OR51A7: variants seen among roughly 807,000 people sequenced by gnomAD.
OR51A7 encodes the protein olfactory receptor 51A7.
For synonymous variants in OR51A7, 143 were observed against 135.5 expected, an observed-to-expected ratio of 1.05 and a Z score of -0.38; for missense variants, 409 against 374.5, an observed-to-expected ratio of 1.09 and a Z score of -0.76.
At chr11:4,904,316 T>C (rs1394132625) in intron 1 of OR51A7, among the ~76,000 whole-genome samples, 1 of 152,094 alleles carries the variant, frequency 6.6e-6, no homozygotes, top group Non-Finnish European at 1.5e-5. Context: ...CCAAGGTGTT[T>C]GTGCGTTAGC....
At chr11:4,906,961 T>C (rs978388123) in intron 1 of OR51A7, among the ~76,000 whole-genome samples, 2 of 151,798 alleles carry the variant, frequency 1.3e-5, no homozygotes, top group Admixed American at 6.6e-5. Flanking sequence ...ATGGTGGTGG[T>C]GGTGCACACC....
In OR51A7 at chr11:4,908,013, T is replaced by G; in HGVS notation, c.644T>G (p.Leu215Trp). The G allele has an allele frequency of 6.2e-7, 1 of 1,614,222 alleles. No homozygotes were observed. The highest frequency in any genetic ancestry group is 8.5e-7 in the Non-Finnish European group (1 of 1,180,026). Reference protein sequence around the residue: ...CTMLDLALIVLSYVLILKTIL... With the variant: ...CTMLDLALIVWSYVLILKTIL... ...ATGCTGGACTTGGCACTGATTGTTT[T>G]GTCTTATGTGCTGATCTTGAAGACT... Residue 215 changes from leucine to tryptophan, a missense_variant, in exon 2 of 2, where the codon TTG (leucine) becomes TGG (tryptophan). Physicochemically the swap from Leu to Trp is moderately conservative, Grantham distance 61. Transcript: ENST00000641490.
Position 4,908,006 on chromosome 11 carries a change from A to G in OR51A7, c.637A>G (p.Ile213Val), listed in dbSNP as rs1401260565. ...CTGTACTATGCTGGACTTGGCACTG[A>G]TTGTTTTGTCTTATGTGCTGATCTT... ...ALCTMLDLALIVLSYVLILKT... is the reference protein window; with the variant it reads ...ALCTMLDLALVVLSYVLILKT... The change falls in exon 2 of 2, where the codon ATT (isoleucine) becomes GTT (valine). Residue 213 changes from isoleucine to valine, a missense_variant. Transcript: ENST00000641490. 9 of 1,613,976 alleles carry G rather than the reference A, an allele frequency of 5.6e-6. No individual in the cohort carries two copies. The highest frequency in any genetic ancestry group is 1.3e-5 in the African/African-American group (1 of 74,874).
In OR51A7 at chr11:4,908,471, T is replaced by C; in HGVS notation, c.*163T>C. The C allele has an allele frequency of 1.5e-6, 1 of 670,986 alleles. No homozygotes were observed. The highest frequency in any genetic ancestry group is 2.6e-6 in the Non-Finnish European group (1 of 389,256). 41.6% of individuals were successfully genotyped at this position (670,986 alleles called of 1,614,324 possible). A position where few individuals can be genotyped will look rare whatever the true frequency, so the allele number is the denominator to read the frequency against. ...AAGTTGAGAATATAACTGAACAGGA[T>C]AGAAAAAAAAGTCAAGAGATATATA... On this transcript the variant is annotated 3_prime_UTR_variant, in exon 2 of 2. Coordinates refer to ENST00000641490, the MANE Select transcript of OR51A7 (RefSeq NM_001004749.2).
Position 4,908,489 on chromosome 11 carries a change from G to A in OR51A7, c.*181G>A, listed in dbSNP as rs1418391446. The stretch of plus-strand genomic sequence containing the variant: ...AACAGGATAGAAAAAAAAGTCAAGA[G>A]ATATATAAGATATAGAGGTTTAATT... On this transcript the variant is annotated 3_prime_UTR_variant, in exon 2 of 2. Transcript: ENST00000641490. 3.2e-6 allele frequency: 2 copies of A among 622,352 alleles called. No individual in the cohort carries two copies. The highest frequency in any genetic ancestry group is 1.9e-5 in the South Asian group (1 of 52,936). 38.6% of individuals were successfully genotyped at this position (622,352 alleles called of 1,614,324 possible).
At chr11:4,907,202 C>A in intron 1 of OR51A7, 137 bp from the exon 2 acceptor site, 1 of 524,458 alleles carries the variant, frequency 1.9e-6, no homozygotes, top group Non-Finnish European at 3.4e-6. Context: ...TGTTTAAGGA[C>A]TTCTGGTAAA....
At chr11:4,906,283 G>A (rs1850886811) in intron 1 of OR51A7, among the ~76,000 whole-genome samples, 1 of 152,194 alleles carries the variant, frequency 6.6e-6, no homozygotes, top group Non-Finnish European at 1.5e-5. Context: ...AATATTTACA[G>A]ATACTTGTTT....
rs1564804480 is a variant in OR51A7 at position 4,907,592 on chromosome 11, C to A, written c.223C>A (p.Leu75Ile). The change falls in exon 2 of 2, where the codon CTC (leucine) becomes ATC (isoleucine). Residue 75 changes from leucine (L) to isoleucine (I), a missense_variant. By Grantham distance (5) the Leu-to-Ile change is conservative. Transcript: ENST00000641490. ...MLAVSDMGLS[L>I]SSLPTMLRVF... Reference sequence around the variant, plus strand: ...GGCTGTCTCTGACATGGGCCTGTCCCTCTCCTCCCTTCCTACCATGTTGAG... The same window carrying A: ...GGCTGTCTCTGACATGGGCCTGTCCATCTCCTCCCTTCCTACCATGTTGAG... The A allele has an allele frequency of 6.2e-7, 1 of 1,613,940 alleles. No homozygotes were observed. Among genetic ancestry groups the A allele is most frequent in the Non-Finnish European group, 8.5e-7 (1 of 1,179,886 alleles).
rs556622287 is a variant in OR51A7, at chr11:4,909,195, C to T, written c.*887C>T. 9 of 151,910 alleles carry T rather than the reference C, an allele frequency of 5.9e-5. No individual in the cohort carries two copies. In the East Asian group the frequency reaches 1.5e-3, roughly 26 times the overall value. The allele number at this position is 151,910 out of a possible 1,614,324, so 9.4% of individuals were successfully genotyped here. A position where few individuals can be genotyped will look rare whatever the true frequency, so the allele number is the denominator to read the frequency against. On this transcript the variant is annotated 3_prime_UTR_variant, in exon 2 of 2. Coordinates refer to ENST00000641490, the MANE Select transcript of OR51A7 (RefSeq NM_001004749.2). ...CTTAAAAATTGATTCCTGCAGGACA[C>T]GACATTTGGTACCACAATAATTTTC...
At position 4,907,526 on chromosome 11, in the gene OR51A7, C is replaced by A; in HGVS notation, c.157C>A (p.Pro53Thr). The A allele has an allele frequency of 1.2e-6, 2 of 1,614,006 alleles. No individual in the cohort carries two copies. Reference sequence around the variant, plus strand: ...CATTCTCTTTATTATAAAGACAGAGCCCTCGCTTCATGAGCCCATGTATTA... The same window carrying A: ...CATTCTCTTTATTATAAAGACAGAGACCTCGCTTCATGAGCCCATGTATTA... ...CTILFIIKTE[P>T]SLHEPMYYFL... Residue 53 changes from proline to threonine, a missense_variant, in exon 2 of 2, where the codon CCC becomes ACC. Physicochemically the swap from Pro to Thr is conservative, Grantham distance 38 (BLOSUM62 -1). Transcript: ENST00000641490.
At position 4,907,911 on chromosome 11, in the gene OR51A7, A is replaced by C. The variant is rs759655996; in HGVS notation, c.542A>C (p.His181Pro). The C allele has an allele frequency of 6.2e-7, 1 of 1,614,120 alleles. No homozygotes were observed. Residue 181 changes from histidine (H) to proline (P), a missense_variant, in exon 2 of 2, where the codon CAT (histidine) becomes CCT (proline). By Grantham distance (77) the His-to-Pro change is moderately conservative (BLOSUM62 -2). Coordinates refer to ENST00000641490, the MANE Select transcript of OR51A7 (RefSeq NM_001004749.2). ...KNLLSHSYCL[H>P]QDTMKLACSD... ...CTTCTTTCTCACTCATACTGTCTTC[A>C]TCAGGATACCATGAAGCTGGCCTGC...
Position 4,907,606 on chromosome 11 carries a change from T to A in OR51A7, c.237T>A (p.Pro79=). 1 of 1,613,810 alleles carries A rather than the reference T, an allele frequency of 6.2e-7. No homozygotes were observed. Reference sequence around the variant, plus strand: ...TGGGCCTGTCCCTCTCCTCCCTTCCTACCATGTTGAGGGTCTTCTTGTTCA... The same window carrying A: ...TGGGCCTGTCCCTCTCCTCCCTTCCAACCATGTTGAGGGTCTTCTTGTTCA... The part of the protein sequence containing the change: ...SDMGLSLSSL[P]TMLRVFLFNA... Residue 79 remains proline, a synonymous_variant, in exon 2 of 2, where the codon CCT becomes CCA. Transcript: ENST00000641490.
chr11:4,905,413 A>G lies in OR51A7; in HGVS notation c.-32+1569A>G, dbSNP rs986216640. Among the ~76,000 whole-genome samples the G allele has an allele frequency of 4.6e-5, 7 of 152,236 alleles. No individual in the cohort carries two copies. In the East Asian group the frequency reaches 1.4e-3, roughly 29 times the overall value. On this transcript the variant is annotated intron_variant, in intron 1 of 1. Coordinates refer to ENST00000641490, the MANE Select transcript of OR51A7 (RefSeq NM_001004749.2). ...GGCCCAAGGCTGCTTGTTATTTACT[A>G]TGTACTTTTTTCAATTATCCTCTAA... is the stretch of plus-strand genomic sequence containing the variant.
chr11:4,905,181 A>G (rs541181554), intron 1 of OR51A7, among the ~76,000 whole-genome samples: 1 of 152,240 alleles, frequency 6.6e-6, no homozygotes, highest in East Asian at 1.9e-4. Flanking sequence ...TCCAGCAAAT[A>G]ACAGGAGAAT....
Position 4,907,858 on chromosome 11 carries a change from A to C in OR51A7, c.489A>C (p.Leu163Phe). The C allele has an allele frequency of 1.2e-6, 2 of 1,613,824 alleles. No homozygotes were observed. The highest frequency in any genetic ancestry group is 8.5e-7 in the Non-Finnish European group (1 of 1,179,896). ...TAGTGATTCCATTTCCCTTCACCTTAAGGAGATTAAAATATTGTCAAAAGA... is the reference window on the plus strand; with the variant it reads ...TAGTGATTCCATTTCCCTTCACCTTCAGGAGATTAAAATATTGTCAAAAGA... ...ILLVIPFPFT[L>F]RRLKYCQKNL... The change falls in exon 2 of 2, where the codon TTA becomes TTC. Residue 163 changes from leucine (L) to phenylalanine (F), a missense_variant. By Grantham distance (22) the Leu-to-Phe change is conservative (BLOSUM62 0). Coordinates refer to ENST00000641490, the MANE Select transcript of OR51A7 (RefSeq NM_001004749.2).
At chr11:4,907,248 C>T in intron 1 of OR51A7, 91 bp from the exon 2 acceptor site, 2 of 618,000 alleles carry the variant, frequency 3.2e-6, no homozygotes, top group South Asian at 2.1e-5. Context: ...GCCAAATATG[C>T]CTTTGAGTAT....
chr11:4,904,567 T>C (rs1016120174), intron 1 of OR51A7, among the ~76,000 whole-genome samples: 3 of 152,132 alleles, frequency 2.0e-5, no homozygotes, highest in African/African-American at 7.2e-5. Flanking sequence ...ACATTTTTAC[T>C]GTATGATTTC....
rs1850953740 is a variant in OR51A7, at chr11:4,909,239, A to G, written c.*931A>G. On this transcript the variant is annotated 3_prime_UTR_variant, in exon 2 of 2. Coordinates refer to ENST00000641490, the MANE Select transcript of OR51A7 (RefSeq NM_001004749.2). ...AATTTTCACTAAAATTTATATTTTA[A>G]ACTTTTTTTCTCATGTATAGAGGAA... 6.6e-6 allele frequency: 1 copy of G among 152,128 alleles called. No individual in the cohort carries two copies. The highest frequency in any genetic ancestry group is 2.1e-4 in the South Asian group (1 of 4,832). The allele number at this position is 152,128 out of a possible 1,614,324, so 9.4% of individuals were successfully genotyped here.
At position 4,908,075 on chromosome 11, in the gene OR51A7, G is replaced by A. The variant is rs754702889; in HGVS notation, c.706G>A (p.Ala236Thr). ...SIASLAERLK[A>T]LNTCVSHICA... Reference sequence around the variant, plus strand: ...TGCATCTTTGGCAGAGAGGCTTAAGGCCCTAAATACCTGTGTCTCCCACAT... The same window carrying A: ...TGCATCTTTGGCAGAGAGGCTTAAGACCCTAAATACCTGTGTCTCCCACAT... Residue 236 changes from alanine to threonine, a missense_variant, in exon 2 of 2, where the codon GCC (alanine) becomes ACC (threonine). Physicochemically the swap from Ala to Thr is moderately conservative, Grantham distance 58. Coordinates refer to ENST00000641490, the MANE Select transcript of OR51A7 (RefSeq NM_001004749.2). 6.2e-7 allele frequency: 1 copy of A among 1,614,092 alleles called. No homozygotes were observed. The highest frequency in any genetic ancestry group is 1.3e-5 in the African/African-American group (1 of 75,038).
Sources: gnomAD v4.1 joint callset for allele counts (sites outside exome capture counted in the v4.1 genomes callset) on GRCh38, gnomAD v4.1.1 for gene constraint, MANE v1.5 for transcripts, NCBI Gene and HGNC (gene_info 2026-07-23, HGNC 2026-07-21) for gene names.